The following HIVEP3 variants were observed in gnomAD, a reference collection of about 807,000 sequenced individuals.
HIVEP3 encodes transcription factor HIVEP3.
In HIVEP3, 49 loss-of-function variants were observed where a neutral mutation model predicts 152.8. The observed-to-expected ratio is 0.32, with a 90% CI of 0.26 to 0.41. The LOEUF is 0.41. HIVEP3 is among the 10% of genes least tolerant of loss of function. HIVEP3 has a pLI of 1.00. For missense variants in HIVEP3, 2,790 were observed against 3,103.3 expected (o/e 0.90, Z 2.40); for synonymous variants, 1,269 against 1,289.0 (o/e 0.98, Z 0.33).
chr1:41,653,535 T>A (rs755220193), intron 2 of HIVEP3, among the ~76,000 whole-genome samples: 15 of 152,198 alleles, frequency 9.9e-5, no homozygotes, highest in Non-Finnish European at 2.9e-5. Context: ...AAGCTGGACT[T>A]CTTTATTTCA....
chr1:41,567,583 C>T (rs923124515), intron 5 of HIVEP3, among the ~76,000 whole-genome samples: 1 of 152,162 alleles, frequency 6.6e-6, no homozygotes, highest in Non-Finnish European at 1.5e-5. Context: ...TAAGGCAGGG[C>T]CCTGATAGCC....
chr1:41,624,055 T>C lies in HIVEP3; in HGVS notation c.-522+4694A>G, dbSNP rs569979847. On this transcript the variant is annotated intron_variant, in intron 3 of 8. Transcript: ENST00000372583. ...GCTCATCAACAACTGCTAGGAGACT[T>C]CCCAAGCCTCAGCAGAAGCTCACAT... Among the ~76,000 whole-genome samples, 35 of 152,228 alleles carry C rather than the reference T, an allele frequency of 2.3e-4. No homozygotes were observed. The South Asian group carries it at 7.3e-3, about 32-fold the overall frequency.
intron 3 of HIVEP3, among the ~76,000 whole-genome samples, chr1:41,614,834 G>T (rs763975433): frequency 6.6e-6 from 1 of 152,168 alleles, no homozygotes; most frequent in African/African-American, 2.4e-5. Flanking sequence ...CTGATGATAC[G>T]CTGGCCAGTT....
chr1:41,655,158 T>C (rs1645610097), intron 2 of HIVEP3, among the ~76,000 whole-genome samples: 1 of 152,068 alleles, frequency 6.6e-6, no homozygotes, highest in Non-Finnish European at 1.5e-5. Context: ...TCAAATGAGA[T>C]GTTTCCATAG....
intron 3 of HIVEP3, among the ~76,000 whole-genome samples, chr1:41,588,883 C>T (rs1644544663): frequency 6.6e-6 from 1 of 151,906 alleles, no homozygotes; most frequent in Non-Finnish European, 1.5e-5. Context: ...CATGACAGGT[C>T]TGAAGTGCTT....
intron 5 of HIVEP3, among the ~76,000 whole-genome samples, chr1:41,574,896 T>G (rs1644304034): frequency 6.6e-6 from 1 of 152,190 alleles, no homozygotes; most frequent in Non-Finnish European, 1.5e-5. Flanking sequence ...ACGGCACCCT[T>G]CCAGAGCCCA....
intron 1 of HIVEP3, among the ~76,000 whole-genome samples, chr1:42,022,227 C>A (rs1645558574): frequency 1.3e-5 from 2 of 152,198 alleles, no homozygotes. Context: ...TCCAGCTACT[C>A]ATTCATATTT....
intron 1 of HIVEP3, among the ~76,000 whole-genome samples, chr1:41,737,748 G>C (rs1270911364): frequency 6.6e-6 from 1 of 152,182 alleles, no homozygotes; most frequent in Non-Finnish European, 1.5e-5. Context: ...TTTTAATAAG[G>C]GTCATCAACC....
rs1033484418 is a variant in HIVEP3 at position 41,983,062 on chromosome 1, G to A, written n.119+52745C>T. 3.9e-5 allele frequency among the ~76,000 whole-genome samples: 6 copies of A among 152,100 alleles called. No individual in the cohort carries two copies. In the South Asian group the frequency reaches 6.2e-4, roughly 16 times the overall value. ...TGTGCAACCTAGATCCCTTGCATGC[G>A]CAGTTCACAATAGGGTTCACACCCC... On this transcript the variant is annotated intron_variant and non_coding_transcript_variant, in intron 1 of 3. Transcript: ENST00000489103.
intron 1 of HIVEP3, among the ~76,000 whole-genome samples, chr1:42,029,184 G>C (rs886741065): frequency 6.6e-6 from 1 of 152,254 alleles, no homozygotes; most frequent in Non-Finnish European, 1.5e-5. Flanking sequence ...TGTTTCTCAG[G>C]GGGGTTCAGT....
chr1:41,904,850 TC>T (rs1253794857), intron 1 of HIVEP3, among the ~76,000 whole-genome samples: 2 of 152,250 alleles, frequency 1.3e-5, no homozygotes, highest in East Asian at 1.9e-4. Context: ...GGACCTCCAA[TC>T]CCCCATCCTA....
chr1:41,760,453 C>G (rs1647596613), intron 1 of HIVEP3, among the ~76,000 whole-genome samples: 1 of 152,170 alleles, frequency 6.6e-6, no homozygotes, highest in Non-Finnish European at 1.5e-5. Context: ...AATGCCCAGC[C>G]TGACCCCTTG....
At chr1:41,810,579 G>A (rs1218977278) in intron 1 of HIVEP3, among the ~76,000 whole-genome samples, 2 of 152,320 alleles carry the variant, frequency 1.3e-5, no homozygotes, top group African/African-American at 4.8e-5. Flanking sequence ...CACTGATCCT[G>A]GTAGGTTCAT....
intron 1 of HIVEP3, among the ~76,000 whole-genome samples, chr1:41,835,689 C>T (rs968868927): frequency 6.6e-6 from 1 of 152,034 alleles, no homozygotes; most frequent in African/African-American, 2.4e-5. Flanking sequence ...GTAGATCACG[C>T]TAATATTCCT....
intron 1 of HIVEP3, among the ~76,000 whole-genome samples, chr1:41,911,821 C>T (rs1644800741): frequency 6.6e-6 from 1 of 152,128 alleles, no homozygotes; most frequent in Non-Finnish European, 1.5e-5. Context: ...AGCCCTAGTG[C>T]CAGAGCTGGT....
At chr1:41,886,842 A>G (rs79681455) in intron 1 of HIVEP3, among the ~76,000 whole-genome samples, 1,578 of 152,190 alleles carry the variant, frequency 0.01, 13 homozygotes, top group Non-Finnish European at 0.017. Flanking sequence ...TTTAGTTTTC[A>G]CTGATGCCTA....
chr1:41,688,231 T>G (rs1431994222), intron 2 of HIVEP3, among the ~76,000 whole-genome samples: 1 of 152,022 alleles, frequency 6.6e-6, no homozygotes, highest in Non-Finnish European at 1.5e-5. Flanking sequence ...TCTGACCCCT[T>G]CTGTTGCTCT....
intron 1 of HIVEP3, among the ~76,000 whole-genome samples, chr1:41,939,311 A>G (rs1645034826): frequency 6.6e-6 from 1 of 152,190 alleles, no homozygotes. Flanking sequence ...TTTTTTAAAG[A>G]ATGAAAACCA....
At chr1:41,954,474 C>T (rs990902261) in intron 1 of HIVEP3, among the ~76,000 whole-genome samples, 1 of 152,274 alleles carries the variant, frequency 6.6e-6, no homozygotes, top group African/African-American at 2.4e-5. Context: ...AGGAGGCCTT[C>T]AGAGACTTCA....
Sources: allele counts gnomAD v4.1 joint callset (sites outside exome capture counted in the v4.1 genomes callset), GRCh38; gene constraint gnomAD v4.1.1; transcripts MANE v1.5; gene names NCBI Gene and HGNC (gene_info 2026-07-23, HGNC 2026-07-21).